The following IL1RAPL1 variants were observed in gnomAD, a reference collection of about 807,000 sequenced individuals.
IL1RAPL1 encodes the protein interleukin-1 receptor accessory protein-like 1.
IL1RAPL1 carries 3 observed loss-of-function variants against 48.4 expected under a neutral mutation model. The ratio of observed to expected loss-of-function variants is 0.06; its 90% CI spans 0.03 to 0.16. The LOEUF (loss-of-function observed/expected upper bound fraction) is 0.16, where lower values mean the gene tolerates loss of function less well. IL1RAPL1 is among the 10% of genes least tolerant of loss of function. The pLI, the probability that IL1RAPL1 is intolerant of heterozygous loss-of-function variation, is 1.00. For synonymous variants in IL1RAPL1, 185 were observed against 187.7 expected, an observed-to-expected ratio of 0.99 and a Z score of 0.12; for missense variants, 349 against 530.6, an observed-to-expected ratio of 0.66 and a Z score of 3.36.
intron 2 of IL1RAPL1, among the ~76,000 whole-genome samples, chrX:28,951,413 TAAAAA>T (rs58992212): frequency 1.1e-5 from 1 of 90,607 alleles, no homozygotes; most frequent in Admixed American, 1.3e-4. Context: ...TGATAAATGG[TAAAAA>T]AAAAAAAAAA....
intron 5 of IL1RAPL1, among the ~76,000 whole-genome samples, chrX:29,457,392 A>G (rs993085580): frequency 9.0e-6 from 1 of 110,937 alleles, no homozygotes; most frequent in Non-Finnish European, 1.9e-5. Flanking sequence ...GTTTATGTTC[A>G]TGTGTGCTCA....
At chrX:29,621,009 A>G (rs1394152809) in intron 5 of IL1RAPL1, among the ~76,000 whole-genome samples, 1 of 112,157 alleles carries the variant, frequency 8.9e-6, no homozygotes, top group Non-Finnish European at 1.9e-5. Flanking sequence ...ATTGCCATAG[A>G]TTATTGAAAT....
chrX:29,283,367 A>G (rs1932232437), intron 3 of IL1RAPL1, 150 bp downstream of exon 3: 1 of 555,560 alleles, frequency 1.8e-6, no homozygotes, highest in Non-Finnish European at 2.9e-6. Context: ...AAAATCATAA[A>G]AAGATGGGAT....
At chrX:29,327,640 C>CTA (rs1008248045) in intron 3 of IL1RAPL1, among the ~76,000 whole-genome samples, 6 of 104,129 alleles carry the variant, frequency 5.8e-5, no homozygotes, top group African/African-American at 2.1e-4. Flanking sequence ...TAAATACACA[C>CTA]TATATATATA....
At position 29,091,807 on chromosome X, in the gene IL1RAPL1, G is replaced by A. The variant is rs899425821; in HGVS notation, c.83-191131G>A. ...ACATCAAAATTGTTTCCCTAAAATG[G>A]AACTAGAAGTTAATAAAGCAATAGT... On this transcript the variant is annotated intron_variant, in intron 2 of 10. Transcript: ENST00000378993. 5.4e-5 allele frequency among the ~76,000 whole-genome samples: 6 copies of A among 111,039 alleles called. No homozygotes were observed. In the East Asian group the frequency reaches 1.7e-3, roughly 31 times the overall value.
intron 1 of IL1RAPL1, chrX:28,659,516 C>G: frequency 2.1e-6 from 1 of 468,544 alleles, no homozygotes; most frequent in Non-Finnish European, 3.9e-6. Context: ...TCGGCTGGAG[C>G]TCGGCGAGCT....
chrX:29,205,536 C>T (rs769784055), intron 2 of IL1RAPL1, among the ~76,000 whole-genome samples: 1 of 110,306 alleles, frequency 9.1e-6, no homozygotes, highest in South Asian at 3.9e-4. Context: ...GACTCCACCT[C>T]TTATCAACTG....
chrX:28,621,736 A>G (rs1047171564), intron 1 of IL1RAPL1, among the ~76,000 whole-genome samples: 5 of 111,886 alleles, frequency 4.5e-5, no homozygotes, highest in African/African-American at 1.6e-4. Flanking sequence ...CCTTAAGCAG[A>G]CTAGGAATGT....
At chrX:28,790,671 T>C (rs1392746250) in intron 2 of IL1RAPL1, among the ~76,000 whole-genome samples, 1 of 112,770 alleles carries the variant, frequency 8.9e-6, no homozygotes, top group East Asian at 2.8e-4. Context: ...AATACTGTTG[T>C]TATGTCTACA....
intron 5 of IL1RAPL1, among the ~76,000 whole-genome samples, chrX:29,554,922 A>AT (rs1187745041): frequency 2.7e-5 from 3 of 112,044 alleles, no homozygotes; most frequent in Non-Finnish European, 5.6e-5. Context: ...TTCACAGTAT[A>AT]TTTTTTTCTC....
rs759053236 is a variant in IL1RAPL1 at position 29,551,078 on chromosome X, G to A, written c.704-117352G>A. 1.3e-4 allele frequency among the ~76,000 whole-genome samples: 14 copies of A among 111,980 alleles called. No homozygotes were observed. The South Asian group carries it at 5.1e-3, about 41-fold the overall frequency. On this transcript the variant is annotated intron_variant, in intron 5 of 10. Transcript: ENST00000378993. ...GAATTATACACTATTTGTCTTTTTG[G>A]GTACTGGCATATTTTACTTATCATA...
At position 29,688,520 on chromosome X, in the gene IL1RAPL1, T is replaced by G. The variant is rs1028085621; in HGVS notation, c.778+20016T>G. On this transcript the variant is annotated intron_variant, in intron 6 of 10. Coordinates refer to ENST00000378993, the MANE Select transcript of IL1RAPL1 (RefSeq NM_014271.4). Reference sequence around the variant, plus strand: ...TAATTATATCTGCCAAGACCCTTTTTCCAAATAAGGTAAAAAATTTTACAG... The same window carrying G: ...TAATTATATCTGCCAAGACCCTTTTGCCAAATAAGGTAAAAAATTTTACAG... 6.3e-4 allele frequency among the ~76,000 whole-genome samples: 70 copies of G among 111,997 alleles called. 2 individuals carry two copies. Among genetic ancestry groups the G allele is most frequent in the Non-Finnish European group, 9.4e-5 (5 of 53,246 alleles).
chrX:28,598,492 A>G (rs1326759923), intron 1 of IL1RAPL1, among the ~76,000 whole-genome samples: 1 of 111,414 alleles, frequency 9.0e-6, no homozygotes, highest in Non-Finnish European at 1.9e-5. Flanking sequence ...CTTAGGCACA[A>G]ACTAAATGTT....
chrX:29,435,991 T>G (rs1239495917), intron 5 of IL1RAPL1, among the ~76,000 whole-genome samples: 1 of 109,709 alleles, frequency 9.1e-6, no homozygotes, highest in Admixed American at 9.8e-5. Context: ...AAACATAACT[T>G]CCGATTGAAA....
intron 1 of IL1RAPL1, among the ~76,000 whole-genome samples, chrX:28,721,134 G>A (rs1231208880): frequency 9.0e-6 from 1 of 111,546 alleles, no homozygotes; most frequent in Non-Finnish European, 1.9e-5. Flanking sequence ...TGGGTCAAAT[G>A]GTATTTCTAG....
At chrX:28,794,391 T>A (rs1936587189) in intron 2 of IL1RAPL1, among the ~76,000 whole-genome samples, 1 of 112,041 alleles carries the variant, frequency 8.9e-6, no homozygotes. Flanking sequence ...TGTTCCATAA[T>A]GGCCATTATG....
chrX:29,624,372 A>G (rs771310527), intron 5 of IL1RAPL1, among the ~76,000 whole-genome samples: 1 of 112,387 alleles, frequency 8.9e-6, no homozygotes, highest in African/African-American at 3.2e-5. Context: ...TCCTGACTTG[A>G]CTAAATACAA....
intron 2 of IL1RAPL1, among the ~76,000 whole-genome samples, chrX:29,249,668 C>G (rs1472063133): frequency 9.0e-6 from 1 of 111,472 alleles, no homozygotes; most frequent in Non-Finnish European, 1.9e-5. Context: ...CAATGAAGAT[C>G]AAAATATGTA....
At chrX:28,659,852 C>G (rs1934797730) in intron 1 of IL1RAPL1, among the ~76,000 whole-genome samples, 1 of 109,738 alleles carries the variant, frequency 9.1e-6, no homozygotes, top group Non-Finnish European at 1.9e-5. Flanking sequence ...AATCCTGGAT[C>G]TAATGAACAA....
Sources: allele counts gnomAD v4.1 joint callset (sites outside exome capture counted in the v4.1 genomes callset), GRCh38; gene constraint gnomAD v4.1.1; transcripts MANE v1.5; gene names NCBI Gene and HGNC (gene_info 2026-07-23, HGNC 2026-07-21).